The following UCHL3 variants were observed in gnomAD, a reference collection of about 807,000 sequenced individuals.
The protein encoded by UCHL3 is ubiquitin C-terminal hydrolase L3.
UCHL3 carries 22 observed loss-of-function variants against 35.8 expected under a neutral mutation model. The observed-to-expected ratio is 0.61, with a 90% CI of 0.44 to 0.88. UCHL3 has a LOEUF of 0.88. UCHL3 is among the 40% of genes least tolerant of loss of function. UCHL3 has a pLI of 0.00. For missense variants in UCHL3, 229 were observed against 276.9 expected, an observed-to-expected ratio of 0.83 and a Z score of 1.23; for synonymous variants, 90 against 92.8, an observed-to-expected ratio of 0.97 and a Z score of 0.17.
chr13:75,551,015 T>TC (rs1453341542), intron 2 of UCHL3, among the ~76,000 whole-genome samples: 1 of 152,180 alleles, frequency 6.6e-6, no homozygotes, highest in Admixed American at 6.5e-5. Context: ...GTTCCTCTTT[T>TC]CCCCCTAGTT....
At chr13:75,563,854 A>T (rs1305560325) in intron 3 of UCHL3, among the ~76,000 whole-genome samples, 3 of 151,704 alleles carry the variant, frequency 2.0e-5, no homozygotes, top group Non-Finnish European at 1.5e-5. Context: ...ACTTAGTATA[A>T]TGTCCTTCAG....
At chr13:75,605,077 C>A in intron 8 of UCHL3, 1 of 357,468 alleles carries the variant, frequency 2.8e-6, no homozygotes. Context: ...CTCATTATAT[C>A]CGAGATTTCA....
intron 2 of UCHL3, among the ~76,000 whole-genome samples, chr13:75,553,667 C>T (rs1341985233): frequency 6.6e-6 from 1 of 152,174 alleles, no homozygotes; most frequent in African/African-American, 2.4e-5. Context: ...CTAATACCAT[C>T]AATTGTCACA....
chr13:75,580,643 C>T (rs1359627736), intron 6 of UCHL3, among the ~76,000 whole-genome samples: 1 of 152,146 alleles, frequency 6.6e-6, no homozygotes. Flanking sequence ...GAAAGTATGT[C>T]TACCATATTA....
chr13:75,569,149 T>C (rs999967235), intron 5 of UCHL3: 7 of 216,274 alleles, frequency 3.2e-5, no homozygotes, highest in African/African-American at 6.8e-5. Context: ...CTAGTCTCAA[T>C]TGAATAAAGT....
At chr13:75,550,528 C>A (rs1469162271) in intron 2 of UCHL3, among the ~76,000 whole-genome samples, 1 of 152,114 alleles carries the variant, frequency 6.6e-6, no homozygotes. Context: ...CATTTAGTTG[C>A]TGTTGTATCA....
intron 3 of UCHL3, among the ~76,000 whole-genome samples, chr13:75,565,002 A>G (rs1314944052): frequency 6.6e-6 from 1 of 152,170 alleles, no homozygotes; most frequent in Admixed American, 6.5e-5. Flanking sequence ...GGCCAGTGAT[A>G]GTGTTTTGAA....
chr13:75,566,689 T>A lies in UCHL3; in HGVS notation c.184-6T>A, dbSNP rs79198640. On this transcript the variant is annotated splice_region_variant and splice_polypyrimidine_tract_variant and intron_variant, in intron 3 of 8. Coordinates refer to ENST00000377595, the MANE Select transcript of UCHL3 (RefSeq NM_006002.5). ...AAATACACTGTTGACTTTTTTTTTTTAATAGTATGAAGTATTCAGAACAGA... is the reference window on the plus strand; with the variant it reads ...AAATACACTGTTGACTTTTTTTTTTAAATAGTATGAAGTATTCAGAACAGA... 5 of 1,344,642 alleles carry A rather than the reference T, an allele frequency of 3.7e-6. No homozygotes were observed. Among genetic ancestry groups the A allele is most frequent in the Non-Finnish European group, 4.0e-6 (4 of 1,009,428 alleles). The allele number at this position is 1,344,642 out of a possible 1,614,324, so 83.3% of individuals were successfully genotyped here. A position where few individuals can be genotyped will look rare whatever the true frequency, so the allele number is the denominator to read the frequency against.
intron 6 of UCHL3, among the ~76,000 whole-genome samples, chr13:75,586,183 C>T (rs1379936407): frequency 6.6e-6 from 1 of 151,908 alleles, no homozygotes; most frequent in East Asian, 1.9e-4. Flanking sequence ...ATGAACTATA[C>T]AAACACTAAC....
Position 75,560,865 on chromosome 13 carries a change from T to A in UCHL3, c.167T>A (p.Phe56Tyr), listed in dbSNP as rs1289076034. 5.9e-6 allele frequency: 9 copies of A among 1,520,388 alleles called. No homozygotes were observed. The highest frequency in any genetic ancestry group is 7.9e-6 in the Non-Finnish European group (9 of 1,143,014). The allele number at this position is 1,520,388 out of a possible 1,614,324, so 94.2% of individuals were successfully genotyped here. ...CCAGTCTGTGCAGTCTTACTTCTCT[T>A]TCCTATTACAGAAAAGGTAATTGTT... ...PRPVCAVLLLFPITEKYEVFR... is the reference protein window; with the variant it reads ...PRPVCAVLLLYPITEKYEVFR... The change falls in exon 3 of 9, where the codon TTT becomes TAT. Residue 56 changes from phenylalanine (F) to tyrosine (Y), a missense_variant. Coordinates refer to ENST00000377595, the MANE Select transcript of UCHL3 (RefSeq NM_006002.5).
intron 6 of UCHL3, among the ~76,000 whole-genome samples, chr13:75,575,209 C>G (rs978438036): frequency 2.6e-5 from 4 of 152,148 alleles, no homozygotes; most frequent in African/African-American, 9.7e-5. Flanking sequence ...GCATACTGCT[C>G]TAGAGTAATT....
intron 6 of UCHL3, among the ~76,000 whole-genome samples, chr13:75,592,455 T>TACATATATATATATATATATATATATAC (rs1566228215): frequency 9.1e-6 from 1 of 109,572 alleles, no homozygotes; most frequent in African/African-American, 3.2e-5. Flanking sequence ...TATATATATA[T>TACATATATATATATATATATATATATAC]ATATATATAT....
Position 75,566,433 on chromosome 13 carries a change from G to T in UCHL3, c.184-262G>T, listed in dbSNP as rs1447372601. On this transcript the variant is annotated intron_variant, in intron 3 of 8. Transcript: ENST00000377595. ...AAAATGTTAATACATATTGCCATAT[G>T]CCCTGTAACGTGATCGTACAAATAC... is the stretch of plus-strand genomic sequence containing the variant. Among the ~76,000 whole-genome samples, 3 of 152,272 alleles carry T rather than the reference G, an allele frequency of 2.0e-5. No individual in the cohort carries two copies. In the East Asian group the frequency reaches 5.8e-4, roughly 29 times the overall value.
chr13:75,602,772 G>T (rs2032811293), intron 7 of UCHL3, among the ~76,000 whole-genome samples: 1 of 152,070 alleles, frequency 6.6e-6, no homozygotes, highest in Non-Finnish European at 1.5e-5. Context: ...TACACTGAGG[G>T]CTGGATTTGG....
At chr13:75,583,670 G>A (rs147415956) in intron 6 of UCHL3, among the ~76,000 whole-genome samples, 2 of 152,246 alleles carry the variant, frequency 1.3e-5, no homozygotes, top group African/African-American at 4.8e-5. Flanking sequence ...TTTCACTAAA[G>A]CGTAATTGTA....
At chr13:75,561,827 G>GTATACATATATACA (rs1566211557) in intron 3 of UCHL3, among the ~76,000 whole-genome samples, 1 of 93,236 alleles carries the variant, frequency 1.1e-5, no homozygotes, top group Non-Finnish European at 2.8e-5. Context: ...ACGTATATAC[G>GTATACATATATACA]TACGTATATA....
intron 4 of UCHL3, 36 bp from the exon 5 acceptor site, chr13:75,567,191 A>G: frequency 6.3e-7 from 1 of 1,585,366 alleles, no homozygotes; most frequent in Non-Finnish European, 8.7e-7. Context: ...CTGCTGTATC[A>G]AGCCTTTTTA....
Position 75,560,771 on chromosome 13 carries a change from C to T in UCHL3, c.73C>T (p.Leu25=). The stretch of plus-strand genomic sequence containing the variant: ...TTACCAGTTTCTTAAACAATTAGGT[C>T]TACATCCTAACTGGCAATTCGTTGA... ...VTNQFLKQLG[L]HPNWQFVDVY... Residue 25 remains leucine, a synonymous_variant, in exon 3 of 9, where the codon CTA becomes TTA. Transcript: ENST00000377595. The T allele has an allele frequency of 6.3e-7, 1 of 1,598,162 alleles. No homozygotes were observed. The highest frequency in any genetic ancestry group is 1.4e-5 in the African/African-American group (1 of 73,296).
intron 6 of UCHL3, among the ~76,000 whole-genome samples, chr13:75,580,615 T>G (rs1043726245): frequency 6.6e-6 from 1 of 152,220 alleles, no homozygotes; most frequent in Non-Finnish European, 1.5e-5. Context: ...TCTCACCTTC[T>G]TAATTCTTAC....
Sources: gnomAD v4.1 joint callset for allele counts (sites outside exome capture counted in the v4.1 genomes callset) on GRCh38, gnomAD v4.1.1 for gene constraint, MANE v1.5 for transcripts, NCBI Gene and HGNC (gene_info 2026-07-23, HGNC 2026-07-21) for gene names.